CDH4: variants seen among roughly 807,000 people sequenced by gnomAD.
The protein encoded by CDH4 is cadherin-4.
In CDH4, 33 loss-of-function variants were observed where a neutral mutation model predicts 86.0. That is an observed-to-expected ratio of 0.38 (90% confidence interval 0.29 to 0.51). The LOEUF is 0.51. Among genes scored for constraint, CDH4 ranks in the 20% least tolerant of loss-of-function variants. CDH4 has a pLI of 0.86. For missense variants in CDH4, 1,114 were observed against 1,307.4 expected, an observed-to-expected ratio of 0.85 and a Z score of 2.28; for synonymous variants, 555 against 549.4, an observed-to-expected ratio of 1.01 and a Z score of -0.14.
chr20:61,261,680 G>A (rs1322484192), intron 2 of CDH4, among the ~76,000 whole-genome samples: 2 of 152,188 alleles, frequency 1.3e-5, no homozygotes, highest in Non-Finnish European at 2.9e-5. Flanking sequence ...AAAGAAGATG[G>A]TTTTAGAGCA....
At chr20:61,505,388 A>G (rs766580012) in intron 2 of CDH4, among the ~76,000 whole-genome samples, 1 of 152,194 alleles carries the variant, frequency 6.6e-6, no homozygotes, top group Non-Finnish European at 1.5e-5. Flanking sequence ...TTGGAATCCA[A>G]TCAATGGGAG....
chr20:61,419,682 G>A (rs1027109624), intron 2 of CDH4, among the ~76,000 whole-genome samples: 8 of 122,016 alleles, frequency 6.6e-5, no homozygotes, highest in African/African-American at 1.5e-4. Context: ...AGGCCACCCC[G>A]CTCCAGGCAT....
intron 4 of CDH4, among the ~76,000 whole-genome samples, chr20:61,839,104 A>G (rs1318043637): frequency 1.3e-5 from 2 of 152,232 alleles, no homozygotes; most frequent in East Asian, 3.9e-4. Context: ...AGAAGGAGAA[A>G]GCTGAAACAC....
intron 4 of CDH4, among the ~76,000 whole-genome samples, chr20:61,836,037 G>A (rs563466778): frequency 2.0e-5 from 3 of 152,350 alleles, no homozygotes; most frequent in East Asian, 1.9e-4. Context: ...GGTCTTGACC[G>A]GGCTCTGGCA....
chr20:61,609,549 G>T (rs2086669368), intron 2 of CDH4, among the ~76,000 whole-genome samples: 1 of 152,178 alleles, frequency 6.6e-6, no homozygotes, highest in Admixed American at 6.5e-5. Context: ...CTGAGGGAGG[G>T]ACCTCTTGGA....
intron 3 of CDH4, among the ~76,000 whole-genome samples, chr20:61,747,309 G>A (rs186335787): frequency 6.7e-4 from 102 of 152,136 alleles, no homozygotes; most frequent in African/African-American, 2.3e-3. Context: ...TTAGCCGGGC[G>A]TAGTGGCAGG....
At chr20:61,802,554 A>G (rs1414120173) in intron 4 of CDH4, among the ~76,000 whole-genome samples, 1 of 152,190 alleles carries the variant, frequency 6.6e-6, no homozygotes, top group African/African-American at 2.4e-5. Context: ...CTTGGGGAAA[A>G]AAAAAACAAC....
chr20:61,742,859 G>T (rs759731912), intron 2 of CDH4, among the ~76,000 whole-genome samples: 2 of 152,190 alleles, frequency 1.3e-5, no homozygotes, highest in Non-Finnish European at 2.9e-5. Context: ...GCGAAGCAAT[G>T]CTCAGCACCC....
At chr20:61,283,714 A>T (rs1028751476) in intron 2 of CDH4, among the ~76,000 whole-genome samples, 1 of 152,248 alleles carries the variant, frequency 6.6e-6, no homozygotes, top group Non-Finnish European at 1.5e-5. Flanking sequence ...TGTAAACCAG[A>T]CAGCACATCT....
chr20:61,439,719 T>C (rs1891779), intron 2 of CDH4, among the ~76,000 whole-genome samples: 97,570 of 152,140 alleles, frequency 0.64, 32,456 homozygotes, highest in African/African-American at 0.83. Flanking sequence ...GTTCAAGGGC[T>C]GGGCATAAGC....
At chr20:61,697,064 C>T (rs1362364158) in intron 2 of CDH4, among the ~76,000 whole-genome samples, 1 of 152,188 alleles carries the variant, frequency 6.6e-6, no homozygotes, top group African/African-American at 2.4e-5. Flanking sequence ...CATGGCCCTG[C>T]ACACACCTTG....
At chr20:61,784,310 A>G (rs1246958354) in intron 4 of CDH4, among the ~76,000 whole-genome samples, 4 of 13,568 alleles carry the variant, frequency 2.9e-4, no homozygotes, top group Non-Finnish European at 3.8e-4. Flanking sequence ...TTGTGCCCCC[A>G]AGAGAAATGT....
At chr20:61,421,251 G>A (rs1344703398) in intron 2 of CDH4, among the ~76,000 whole-genome samples, 1 of 152,172 alleles carries the variant, frequency 6.6e-6, no homozygotes, top group African/African-American at 2.4e-5. Flanking sequence ...CTCACTCAGA[G>A]TAGATTCTTT....
chr20:61,496,013 A>G (rs933267199), intron 2 of CDH4, among the ~76,000 whole-genome samples: 15 of 151,946 alleles, frequency 9.9e-5, no homozygotes, highest in Non-Finnish European at 1.8e-4. Flanking sequence ...CTCCTCGAAC[A>G]TTTTTTTCTC....
intron 5 of CDH4, among the ~76,000 whole-genome samples, chr20:61,845,306 C>T (rs1982389893): frequency 6.6e-6 from 1 of 152,258 alleles, no homozygotes; most frequent in African/African-American, 2.4e-5. Context: ...CCTCCGACGT[C>T]TCTCGCGGCA....
intron 2 of CDH4, among the ~76,000 whole-genome samples, chr20:61,425,368 G>T (rs1356960792): frequency 6.6e-6 from 1 of 152,202 alleles, no homozygotes; most frequent in East Asian, 1.9e-4. Flanking sequence ...AGCCGGCCAA[G>T]GGAGAGCCAG....
rs912292238 is a variant in CDH4, at chr20:61,516,708, A to C, written c.170-226855A>C. ...GGGCTGCAGCACAGGCTCAGGGTGC[A>C]ATGTCAAACCGCGGCCCTGCCCGAG... On this transcript the variant is annotated intron_variant, in intron 2 of 15. Transcript: ENST00000614565. The surrounding 1 kb of genome is among the most constrained non-coding windows in gnomAD (Gnocchi z 4.0). 3.3e-4 allele frequency among the ~76,000 whole-genome samples: 51 copies of C among 152,320 alleles called. No homozygotes were observed. The highest frequency in any genetic ancestry group is 1.2e-3 in the African/African-American group (48 of 41,580).
intron 2 of CDH4, among the ~76,000 whole-genome samples, chr20:61,434,011 C>T (rs1323337762): frequency 2.6e-5 from 4 of 152,318 alleles, no homozygotes; most frequent in African/African-American, 4.8e-5. Context: ...CGTCCCATGG[C>T]GCATGGCTGA....
At chr20:61,555,752 TAA>T (rs2086172607) in intron 2 of CDH4, among the ~76,000 whole-genome samples, 2 of 152,204 alleles carry the variant, frequency 1.3e-5, no homozygotes, top group Non-Finnish European at 1.5e-5. Context: ...TTTATCATAT[TAA>T]GTTTATTTAA....
Sources: gnomAD v4.1 joint callset for allele counts (sites outside exome capture counted in the v4.1 genomes callset) on GRCh38, gnomAD v4.1.1 for gene constraint, Gnocchi (gnomAD v3.1) non-coding constraint, MANE v1.5 for transcripts, NCBI Gene and HGNC (gene_info 2026-07-23, HGNC 2026-07-21) for gene names.